HFM1: variants seen among roughly 807,000 people sequenced by gnomAD.
HFM1 encodes the protein helicase for meiosis 1, also known as probable ATP-dependent DNA helicase HFM1.
A neutral mutation model predicts 192.1 loss-of-function variants in HFM1; 169 were observed. That is an observed-to-expected ratio of 0.88 (90% CI 0.78 to 1.00). The LOEUF is 1.00. Ranked by LOEUF, HFM1 falls within the 50% of genes least tolerant of loss-of-function variation. The pLI is 0.00. For missense variants in HFM1, 1,661 were observed against 1,668.0 expected (o/e 1.00, Z 0.07); for synonymous variants, 525 against 537.8 (o/e 0.98, Z 0.33).
At chr1:91,324,851 G>GA (rs1038431650) in intron 20 of HFM1, 85 bp from the exon 21 acceptor site, 22 of 754,686 alleles carry the variant, frequency 2.9e-5, no homozygotes, top group African/African-American at 5.3e-5. Flanking sequence ...TTCCTGAGGG[G>GA]AGGAGAAGCA....
At chr1:91,329,351 C>T (rs1411899160) in intron 20 of HFM1, 14 of 1,601,188 alleles carry the variant, frequency 8.7e-6, no homozygotes, top group African/African-American at 2.7e-5. Context: ...ACAGTGGGGT[C>T]AAGAGGCTGA....
At chr1:91,375,957 C>T (rs145900332) in intron 11 of HFM1, among the ~76,000 whole-genome samples, 18 of 150,562 alleles carry the variant, frequency 1.2e-4, no homozygotes, top group African/African-American at 4.1e-4. Context: ...GGTAAACTTC[C>T]AATTAATTAT....
intron 13 of HFM1, among the ~76,000 whole-genome samples, chr1:91,353,575 G>T (rs1219930113): frequency 7.1e-6 from 1 of 141,192 alleles, no homozygotes; most frequent in African/African-American, 2.6e-5. Flanking sequence ...CAGTATAAAA[G>T]TCTACTCTCA....
chr1:91,373,300 C>T (rs1339018668), intron 13 of HFM1, among the ~76,000 whole-genome samples: 2 of 152,018 alleles, frequency 1.3e-5, no homozygotes, highest in South Asian at 2.1e-4. Flanking sequence ...TATATTCCCC[C>T]ACCATACAAA....
At chr1:91,370,540 A>G (rs1660038176) in intron 13 of HFM1, among the ~76,000 whole-genome samples, 1 of 151,964 alleles carries the variant, frequency 6.6e-6, no homozygotes, top group Non-Finnish European at 1.5e-5. Context: ...AAATTCAACA[A>G]CCCTTCATGC....
rs1651113887 is a variant in HFM1 at position 91,315,842 on chromosome 1, T to C, written c.3113A>G (p.Asn1038Ser). The change falls in exon 28 of 39, where the codon AAT (asparagine) becomes AGT (serine). Residue 1038 changes from asparagine to serine, a missense_variant. Physicochemically the swap from Asn to Ser is conservative, Grantham distance 46 (BLOSUM62 1). Transcript: ENST00000370425. ...AATCTTGTGCAGATAAACTACTTGATTATCTGCGTCACCTATGATTAAGGT... is the reference window on the plus strand; with the variant it reads ...AATCTTGTGCAGATAAACTACTTGACTATCTGCGTCACCTATGATTAAGGT... ...YVTLIIGDAD[N>S]QVVYLHKITD... is the part of the protein sequence containing the mutation. The C allele has an allele frequency of 6.2e-7, 1 of 1,610,372 alleles. No homozygotes were observed. The highest frequency in any genetic ancestry group is 1.3e-5 in the African/African-American group (1 of 74,798).
chr1:91,348,604 G>A lies in HFM1; in HGVS notation c.2207-1128C>T, dbSNP rs1462377275. Among the ~76,000 whole-genome samples the A allele has an allele frequency of 2.6e-5, 4 of 152,186 alleles. No homozygotes were observed. In the East Asian group the frequency reaches 7.7e-4, roughly 29 times the overall value. ...TAAATAAGTGATACATAAGTAAATGGAATATTATTTAGCTATTACAAAAAA... is the reference window on the plus strand; with the variant it reads ...TAAATAAGTGATACATAAGTAAATGAAATATTATTTAGCTATTACAAAAAA... On this transcript the variant is annotated intron_variant, in intron 18 of 38. Coordinates refer to ENST00000370425, the MANE Select transcript of HFM1 (RefSeq NM_001017975.6).
At chr1:91,262,041 G>A (rs1665210770) in intron 38 of HFM1, 200 bp downstream of exon 38, 4 of 330,680 alleles carry the variant, frequency 1.2e-5, no homozygotes, top group Non-Finnish European at 2.2e-5. Flanking sequence ...TCAAACATAC[G>A]GGTTTTCAAA....
At chr1:91,375,855 C>T in intron 11 of HFM1, 128 bp from the exon 12 acceptor site, 1 of 669,180 alleles carries the variant, frequency 1.5e-6, no homozygotes, top group Non-Finnish European at 2.6e-6. Flanking sequence ...CTGTCTTTTT[C>T]AATATTACAT....
intron 23 of HFM1, 38 bp from the exon 24 acceptor site, chr1:91,319,428 G>A: frequency 7.8e-7 from 1 of 1,280,718 alleles, no homozygotes; most frequent in South Asian, 1.2e-5. Flanking sequence ...CCCTTTTAAG[G>A]GTTATCTATC....
Position 91,375,689 on chromosome 1 carries a change from C to T in HFM1, c.1434G>A (p.Val478=), listed in dbSNP as rs1166725898. ...EWLSDGERPA[V]CLKMDESHRP... ...TATGGCTCTCATCCATTTTCAGACACACAGCTGGTCTTTCACCATCTGAAA... is the reference window on the plus strand; with the variant it reads ...TATGGCTCTCATCCATTTTCAGACATACAGCTGGTCTTTCACCATCTGAAA... The change falls in exon 12 of 39, where the codon GTG becomes GTA. Residue 478 remains valine (V), a synonymous_variant. Coordinates refer to ENST00000370425, the MANE Select transcript of HFM1 (RefSeq NM_001017975.6). 9.9e-6 allele frequency: 16 copies of T among 1,613,170 alleles called. No homozygotes were observed. Among genetic ancestry groups the T allele is most frequent in the Non-Finnish European group, 1.3e-5 (15 of 1,179,496 alleles).
chr1:91,303,906 C>G (rs1192845928), intron 30 of HFM1, among the ~76,000 whole-genome samples: 1 of 152,078 alleles, frequency 6.6e-6, no homozygotes, highest in African/African-American at 2.4e-5. Flanking sequence ...AGTGCAGTGG[C>G]ATGATCTTGG....
chr1:91,367,950 C>T (rs1282321870), intron 13 of HFM1, among the ~76,000 whole-genome samples: 3 of 152,012 alleles, frequency 2.0e-5, no homozygotes, highest in Non-Finnish European at 2.9e-5. Flanking sequence ...AACTATGTGA[C>T]GAATGCACAA....
intron 30 of HFM1, among the ~76,000 whole-genome samples, chr1:91,298,188 G>C (rs1015627478): frequency 6.6e-6 from 1 of 152,200 alleles, no homozygotes; most frequent in East Asian, 1.9e-4. Flanking sequence ...AAGGGTATCA[G>C]GGATGGAAGA....
intron 30 of HFM1, among the ~76,000 whole-genome samples, chr1:91,298,485 T>G (rs1272136375): frequency 7.1e-6 from 1 of 140,960 alleles, no homozygotes. Context: ...CACAAAGTTG[T>G]CAAATTCACC....
intron 20 of HFM1, among the ~76,000 whole-genome samples, chr1:91,330,994 CAT>C (rs1007364516): frequency 6.6e-6 from 1 of 152,048 alleles, no homozygotes; most frequent in African/African-American, 2.4e-5. Flanking sequence ...ATAATAAAGC[CAT>C]ATATCATGAC....
chr1:91,337,593 A>G (rs1247334350), intron 20 of HFM1, among the ~76,000 whole-genome samples: 1 of 152,204 alleles, frequency 6.6e-6, no homozygotes, highest in Non-Finnish European at 1.5e-5. Flanking sequence ...GGAAGCTCAG[A>G]GTCCCGTCTC....
intron 4 of HFM1, 51 bp from the exon 5 acceptor site, chr1:91,385,885 G>A (rs1662149087): frequency 6.8e-7 from 1 of 1,476,416 alleles, no homozygotes; most frequent in Non-Finnish European, 9.2e-7. Context: ...ACACTTGCTT[G>A]GAATATGAAA....
At chr1:91,290,945 A>G (rs539366347) in intron 30 of HFM1, among the ~76,000 whole-genome samples, 2 of 152,342 alleles carry the variant, frequency 1.3e-5, no homozygotes, top group East Asian at 1.9e-4. Context: ...CTGCTCCTAA[A>G]TGACTACTGG....
Sources: allele counts gnomAD v4.1 joint callset (sites outside exome capture counted in the v4.1 genomes callset), GRCh38; gene constraint gnomAD v4.1.1; transcripts MANE v1.5; gene names NCBI Gene and HGNC (gene_info 2026-07-23, HGNC 2026-07-21).